ARHGEF10: variants seen among roughly 807,000 people sequenced by gnomAD.
The protein encoded by ARHGEF10 is Rho guanine nucleotide exchange factor (GEF) 10.
A neutral mutation model predicts 147.4 loss-of-function variants in ARHGEF10; 140 were observed. That is an observed-to-expected ratio of 0.95 (90% CI 0.83 to 1.09). ARHGEF10 has a LOEUF of 1.09. ARHGEF10 is among the 50% of genes least tolerant of loss of function. The pLI is 0.00. For synonymous variants in ARHGEF10, 902 were observed against 695.8 expected, an observed-to-expected ratio of 1.30 and a Z score of -4.67; for missense variants, 2,222 against 1,752.7, an observed-to-expected ratio of 1.27 and a Z score of -4.78.
At chr8:1,955,313 A>G (rs1000571069) in intron 28 of ARHGEF10, among the ~76,000 whole-genome samples, 1 of 146,096 alleles carries the variant, frequency 6.8e-6, no homozygotes, top group Admixed American at 6.8e-5. Context: ...ATGGGTAGCT[A>G]GGTGCTCCCT....
chr8:1,858,117 T>G lies in ARHGEF10; in HGVS notation c.193+2T>G. The G allele has an allele frequency of 6.2e-7, 1 of 1,611,434 alleles. No homozygotes were observed. Among genetic ancestry groups the G allele is most frequent in the South Asian group, 1.1e-5 (1 of 90,926 alleles). ...CCAGTGAAGCCCCTGCACCCACAGG[T>G]GAGTTTCCAGGAGGGTCCCCAGGTG... is the stretch of plus-strand genomic sequence containing the variant. On this transcript the variant is annotated splice_donor_variant, in intron 3 of 28. Coordinates refer to ENST00000349830, the MANE Select transcript of ARHGEF10 (RefSeq NM_014629.4). LOFTEE classifies it high-confidence loss of function.
chr8:1,832,997 GAGACAGGC>G lies in ARHGEF10; in HGVS notation c.-48+8888_-48+8895del, dbSNP rs1292909594. ...GCAGAGAGAGACAGAGACAGAGGCA[GAGACAGGC>G]AGAGAGAGACAGAGGCAGAGACAGG... On this transcript the variant is annotated intron_variant, in intron 1 of 28. Transcript: ENST00000349830. Among the ~76,000 whole-genome samples the G allele has an allele frequency of 7.1e-5, 8 of 111,932 alleles. 2 individuals carry two copies. The highest frequency in any genetic ancestry group is 1.1e-4 in the Non-Finnish European group (6 of 53,454). The allele number at this position is 111,932 out of a possible 152,430, so 73.4% of individuals were successfully genotyped here.
chr8:1,885,288 A>G (rs1808561706), intron 10 of ARHGEF10, among the ~76,000 whole-genome samples: 1 of 152,240 alleles, frequency 6.6e-6, no homozygotes, highest in Non-Finnish European at 1.5e-5. Flanking sequence ...TTAATTTAGG[A>G]AATATTCTAA....
intron 17 of ARHGEF10, among the ~76,000 whole-genome samples, chr8:1,907,394 T>G (rs556797085): frequency 6.6e-6 from 1 of 152,322 alleles, no homozygotes; most frequent in South Asian, 2.1e-4. Context: ...ACATTAATGC[T>G]TGTTCCACCT....
chr8:1,874,591 A>G (rs1035971940), intron 7 of ARHGEF10, among the ~76,000 whole-genome samples: 1 of 152,240 alleles, frequency 6.6e-6, no homozygotes, highest in Non-Finnish European at 1.5e-5. Context: ...GACAGTCCAG[A>G]TACATACCGG....
intron 26 of ARHGEF10, among the ~76,000 whole-genome samples, chr8:1,938,011 G>A (rs981012312): frequency 6.6e-6 from 1 of 152,146 alleles, no homozygotes. Context: ...ACGCTGAGCC[G>A]GGTGCTTGGT....
intron 27 of ARHGEF10, among the ~76,000 whole-genome samples, chr8:1,949,194 G>A (rs959247338): frequency 1.3e-5 from 2 of 152,136 alleles, no homozygotes; most frequent in African/African-American, 2.4e-5. Flanking sequence ...TTCACACAAC[G>A]TGATGAAACC....
chr8:1,839,768 G>T lies in ARHGEF10; in HGVS notation c.-47-3585G>T, dbSNP rs1265458144. ...TGGTGTGGAAGCTGTCTGGTGTGGG[G>T]ACTGTCTGGTGTGGGTACTGTCTGG... On this transcript the variant is annotated intron_variant, in intron 1 of 28. Transcript: ENST00000349830. Among the ~76,000 whole-genome samples the T allele has an allele frequency of 2.0e-4, 25 of 126,306 alleles. 1 individual carries two copies. Among genetic ancestry groups the T allele is most frequent in the African/African-American group, 7.6e-4 (22 of 29,136 alleles). The allele number at this position is 126,306 out of a possible 152,430, so 82.9% of individuals were successfully genotyped here.
chr8:1,918,460 CTGTGTGTGTGTGTGTGTGTGTGTG>C (rs60519090), intron 18 of ARHGEF10, among the ~76,000 whole-genome samples: 2 of 140,946 alleles, frequency 1.4e-5, no homozygotes, highest in Non-Finnish European at 3.1e-5. Flanking sequence ...CATTTGATGG[CTGTGTGTGTGTGTGTGTGTGTGTG>C]TGTGTGTGTG....
intron 18 of ARHGEF10, among the ~76,000 whole-genome samples, chr8:1,914,302 G>A (rs549046468): frequency 1.1e-4 from 17 of 152,332 alleles, no homozygotes; most frequent in South Asian, 4.1e-4. Flanking sequence ...CCAAGTGGCC[G>A]TTCTGTGGAG....
chr8:1,903,531 A>T lies in ARHGEF10; in HGVS notation c.1821+80A>T. On this transcript the variant is annotated intron_variant, in intron 16 of 28. Transcript: ENST00000349830. Reference sequence around the variant, plus strand: ...TAAGCTGTCGTTGTCCAGCAATACTAATCTTTTGGATCGTTTGGAGTAATT... The same window carrying T: ...TAAGCTGTCGTTGTCCAGCAATACTTATCTTTTGGATCGTTTGGAGTAATT... The T allele has an allele frequency of 2.6e-6, 4 of 1,559,232 alleles. No individual in the cohort carries two copies. The South Asian group carries it at 4.5e-5, about 18-fold the overall frequency.
chr8:1,935,993 G>A (rs193007097), intron 26 of ARHGEF10, among the ~76,000 whole-genome samples: 277 of 152,252 alleles, frequency 1.8e-3, no homozygotes, highest in Non-Finnish European at 3.2e-3. Context: ...ACGTGCCAGC[G>A]TGTGTGTGTG....
At chr8:1,857,313 G>C (rs755592898) in intron 2 of ARHGEF10, among the ~76,000 whole-genome samples, 45 of 152,254 alleles carry the variant, frequency 3.0e-4, no homozygotes, top group Non-Finnish European at 6.2e-4. Flanking sequence ...GGATGATACT[G>C]AATTCTCTTC....
At chr8:1,827,736 A>T (rs1802852618) in intron 1 of ARHGEF10, among the ~76,000 whole-genome samples, 1 of 152,178 alleles carries the variant, frequency 6.6e-6, no homozygotes, top group African/African-American at 2.4e-5. Context: ...TTGGTATTTT[A>T]TATTTTTGTT....
At chr8:1,909,089 A>T (rs147851010) in intron 17 of ARHGEF10, among the ~76,000 whole-genome samples, 48 of 152,218 alleles carry the variant, frequency 3.2e-4, no homozygotes, top group African/African-American at 1.1e-3. Flanking sequence ...TCTTCCCTGC[A>T]CTCTCTCTCA....
intron 11 of ARHGEF10, among the ~76,000 whole-genome samples, chr8:1,889,357 C>G (rs1200174732): frequency 1.0e-5 from 1 of 100,016 alleles, no homozygotes; most frequent in East Asian, 3.5e-4. Context: ...TGAGGAGACA[C>G]TGAGTGGGGT....
chr8:1,862,954 AT>A (rs541558394), intron 4 of ARHGEF10, among the ~76,000 whole-genome samples: 2,815 of 144,818 alleles, frequency 0.019, 41 homozygotes, highest in Middle Eastern at 0.032. Flanking sequence ...AATTTTTTGT[AT>A]TTTTTTTTTA....
intron 24 of ARHGEF10, 94 bp from the exon 25 acceptor site, chr8:1,929,192 G>A (rs1436904307): frequency 5.1e-6 from 7 of 1,375,820 alleles, no homozygotes; most frequent in Non-Finnish European, 6.2e-6. Context: ...GGGCAAGAGG[G>A]AAGAGTTGAA....
intron 7 of ARHGEF10, among the ~76,000 whole-genome samples, chr8:1,874,098 T>C (rs62477527): frequency 0.16 from 24,199 of 152,246 alleles, 2,106 homozygotes; most frequent in African/African-American, 0.23. Context: ...GATTTAACGT[T>C]CAATTTTAGA....
Sources: allele counts gnomAD v4.1 joint callset (sites outside exome capture counted in the v4.1 genomes callset), GRCh38; gene constraint gnomAD v4.1.1; transcripts MANE v1.5; gene names NCBI Gene and HGNC (gene_info 2026-07-23, HGNC 2026-07-21).